RAB2A: variants seen among roughly 807,000 people sequenced by gnomAD.
RAB2A encodes ras-related protein Rab-2A.
In RAB2A, 7 loss-of-function variants were observed where a neutral mutation model predicts 32.5. That is an observed-to-expected ratio of 0.22 (90% confidence interval 0.12 to 0.40). RAB2A has a LOEUF of 0.40. Ranked by LOEUF, RAB2A falls within the 10% of genes least tolerant of loss-of-function variation. RAB2A has a pLI of 1.00. For synonymous variants in RAB2A, 79 were observed against 85.2 expected (o/e 0.93, Z 0.40); for missense variants, 108 against 260.7 (o/e 0.41, Z 4.03).
At chr8:60,565,676 A>ATTTTTTTTTTTTTTTTTTTT (rs71252885) in intron 2 of RAB2A, among the ~76,000 whole-genome samples, 1 of 97,672 alleles carries the variant, frequency 1.0e-5, no homozygotes, top group Non-Finnish European at 2.1e-5. Flanking sequence ...TCTGTAGCTG[A>ATTTTTTTTTTTTTTTTTTTT]TTTTTTTTTT....
At chr8:60,553,872 CCAA>C (rs1807894934) in intron 1 of RAB2A, among the ~76,000 whole-genome samples, 1 of 152,040 alleles carries the variant, frequency 6.6e-6, no homozygotes, top group Non-Finnish European at 1.5e-5. Context: ...GAATGTTCTA[CCAA>C]AGAGGGTATA....
chr8:60,611,723 T>C (rs1022243489), intron 6 of RAB2A, among the ~76,000 whole-genome samples: 2 of 152,186 alleles, frequency 1.3e-5, no homozygotes, highest in African/African-American at 4.8e-5. Flanking sequence ...CATTTTAATA[T>C]TTACTTTTGA....
chr8:60,555,987 G>A (rs941179589), intron 1 of RAB2A, among the ~76,000 whole-genome samples: 3 of 152,174 alleles, frequency 2.0e-5, no homozygotes, highest in Non-Finnish European at 4.4e-5. Context: ...AATGGATAAT[G>A]AAAATGTGGT....
Position 60,572,102 on chromosome 8 carries a change from A to T in RAB2A, c.175A>T (p.Ile59Leu). 1 of 1,604,062 alleles carries T rather than the reference A, an allele frequency of 6.2e-7. No individual in the cohort carries two copies. Among genetic ancestry groups the T allele is most frequent in the Non-Finnish European group, 8.5e-7 (1 of 1,172,638 alleles). Residue 59 changes from isoleucine (I) to leucine (L), a missense_variant, in exon 3 of 8, where the codon ATA becomes TTA. Coordinates refer to ENST00000262646, the MANE Select transcript of RAB2A (RefSeq NM_002865.3). ...TIDGKQIKLQ[I>L]WDTAGQESFR... Reference sequence around the variant, plus strand: ...TGATGGGAAACAGATAAAACTTCAGATATGGGATACGGTAAGTATAGGAAA... The same window carrying T: ...TGATGGGAAACAGATAAAACTTCAGTTATGGGATACGGTAAGTATAGGAAA...
At chr8:60,519,094 C>A (rs1459467978) in intron 1 of RAB2A, among the ~76,000 whole-genome samples, 1 of 152,118 alleles carries the variant, frequency 6.6e-6, no homozygotes, top group Admixed American at 6.6e-5. Flanking sequence ...AGGGAAGACA[C>A]TTCTTTCTTG....
chr8:60,566,955 CTA>C (rs1563472222), intron 2 of RAB2A, among the ~76,000 whole-genome samples: 2 of 152,150 alleles, frequency 1.3e-5, no homozygotes, highest in African/African-American at 2.4e-5. Context: ...TTTATGGCTG[CTA>C]TGTCTTTCTT....
intron 6 of RAB2A, among the ~76,000 whole-genome samples, chr8:60,598,370 G>C (rs1237016383): frequency 2.6e-5 from 4 of 152,074 alleles, no homozygotes; most frequent in Non-Finnish European, 5.9e-5. Context: ...GCAGAAAATA[G>C]ATGTAACACT....
intron 5 of RAB2A, among the ~76,000 whole-genome samples, chr8:60,585,544 C>T (rs949402982): frequency 6.6e-6 from 1 of 152,076 alleles, no homozygotes; most frequent in Non-Finnish European, 1.5e-5. Context: ...GGCTCCTAAC[C>T]TCAAGTGATT....
At chr8:60,541,273 C>G (rs757264183) in intron 1 of RAB2A, among the ~76,000 whole-genome samples, 10 of 126,260 alleles carry the variant, frequency 7.9e-5, no homozygotes, top group Admixed American at 2.3e-4. Flanking sequence ...GAAACTGTTA[C>G]AACCAAGAGG....
chr8:60,527,565 A>G (rs1335275327), intron 1 of RAB2A, among the ~76,000 whole-genome samples: 1 of 152,142 alleles, frequency 6.6e-6, no homozygotes, highest in Non-Finnish European at 1.5e-5. Context: ...TGGGGATTAC[A>G]ATTCCAGATG....
chr8:60,572,238 T>C, intron 3 of RAB2A, 125 bp downstream of exon 3: 1 of 634,472 alleles, frequency 1.6e-6, no homozygotes, highest in Non-Finnish European at 2.6e-6. Flanking sequence ...CCTGCAGCCA[T>C]GAGATGAAAT....
chr8:60,602,159 C>G (rs1035394337), intron 6 of RAB2A, among the ~76,000 whole-genome samples: 4 of 152,084 alleles, frequency 2.6e-5, no homozygotes, highest in Non-Finnish European at 5.9e-5. Flanking sequence ...ATTACAGGCT[C>G]AAGCCACTGT....
At chr8:60,522,361 G>T (rs1807314348) in intron 1 of RAB2A, among the ~76,000 whole-genome samples, 1 of 152,016 alleles carries the variant, frequency 6.6e-6, no homozygotes, top group Non-Finnish European at 1.5e-5. Context: ...AAAAACTGTG[G>T]ATTTTTATAT....
intron 2 of RAB2A, chr8:60,559,315 C>A (rs1405729909): frequency 5.0e-6 from 1 of 198,568 alleles, no homozygotes; most frequent in African/African-American, 2.4e-5. Flanking sequence ...TCTTTCTGTT[C>A]AATGAGAGTA....
In RAB2A at chr8:60,530,640, A is replaced by G. The variant is rs78067836; in HGVS notation, c.46+13387A>G. ...CTATTTTTTAATGTAGCCCATTTCT[A>G]TATTTTTAAAAATTTCAATCTAGGA... On this transcript the variant is annotated intron_variant, in intron 1 of 7. Transcript: ENST00000262646. Among the ~76,000 whole-genome samples the G allele has an allele frequency of 5.0e-3, 764 of 152,134 alleles. 8 individuals are homozygous for G. The highest frequency in any genetic ancestry group is 0.017 in the African/African-American group (699 of 41,504).
intron 1 of RAB2A, among the ~76,000 whole-genome samples, chr8:60,518,844 A>C (rs995841887): frequency 6.6e-6 from 1 of 152,170 alleles, no homozygotes; most frequent in Non-Finnish European, 1.5e-5. Context: ...TGCCACATTA[A>C]CTGTAATATG....
At chr8:60,558,823 T>A (rs781725002) in intron 1 of RAB2A, 29 bp from the exon 2 acceptor site, 1 of 1,562,438 alleles carries the variant, frequency 6.4e-7, no homozygotes, top group Non-Finnish European at 8.8e-7. Context: ...GTGAATTTTG[T>A]CTCTTATTTA....
chr8:60,534,804 C>T (rs1308346396), intron 1 of RAB2A, among the ~76,000 whole-genome samples: 1 of 152,218 alleles, frequency 6.6e-6, no homozygotes, highest in Non-Finnish European at 1.5e-5. Flanking sequence ...GCTTAACCCT[C>T]TGGATATCTG....
chr8:60,587,049 C>T (rs1803863593), intron 5 of RAB2A, among the ~76,000 whole-genome samples: 1 of 151,804 alleles, frequency 6.6e-6, no homozygotes, highest in Non-Finnish European at 1.5e-5. Context: ...GTGCAAAGGC[C>T]ACGGAATAGC....
Sources: allele counts gnomAD v4.1 joint callset (sites outside exome capture counted in the v4.1 genomes callset), GRCh38; gene constraint gnomAD v4.1.1; transcripts MANE v1.5; gene names NCBI Gene and HGNC (gene_info 2026-07-23, HGNC 2026-07-21).